Variants in WWOX observed in about 807,000 individuals in gnomAD.
WWOX encodes the protein WW domain containing oxidoreductase.
Under a neutral mutation model 46.2 loss-of-function variants are expected in WWOX, and 69 were observed. That is an observed-to-expected ratio of 1.49 (90% CI 1.23 to 1.82). The LOEUF (loss-of-function observed/expected upper bound fraction) is 1.82. WWOX is among the 40% of genes most tolerant of loss of function. The pLI is 0.00. For synonymous variants in WWOX, 359 were observed against 202.6 expected (o/e 1.77, Z -6.56); for missense variants, 919 against 542.6 (o/e 1.69, Z -6.89).
At chr16:79,058,185 GTATA>G (rs1426424314) in intron 8 of WWOX, among the ~76,000 whole-genome samples, 1 of 151,674 alleles carries the variant, frequency 6.6e-6, no homozygotes, top group East Asian at 1.9e-4. Context: ...GTGTGTACCT[GTATA>G]GAGAGAGTCA....
At chr16:78,545,349 A>G (rs548502249) in intron 8 of WWOX, among the ~76,000 whole-genome samples, 1 of 152,196 alleles carries the variant, frequency 6.6e-6, no homozygotes, top group African/African-American at 2.4e-5. Flanking sequence ...CGTGGGATAT[A>G]TTGAGATGGT....
intron 4 of WWOX, among the ~76,000 whole-genome samples, chr16:78,155,047 A>G (rs1016742934): frequency 5.3e-5 from 8 of 152,190 alleles, no homozygotes; most frequent in African/African-American, 1.7e-4. Flanking sequence ...ACCTGTCACC[A>G]CGTGGGATTG....
At chr16:78,385,148 C>CACACACACACACACACACACAG (rs1364215804) in intron 5 of WWOX, among the ~76,000 whole-genome samples, 2 of 151,514 alleles carry the variant, frequency 1.3e-5, no homozygotes, top group African/African-American at 4.9e-5. Flanking sequence ...CACACACACA[C>CACACACACACACACACACACAG]ACACACACAC....
At chr16:78,744,736 C>G (rs1470745496) in intron 8 of WWOX, among the ~76,000 whole-genome samples, 3 of 152,008 alleles carry the variant, frequency 2.0e-5, no homozygotes, top group Non-Finnish European at 2.9e-5. Flanking sequence ...ATTTCTATTA[C>G]CAGCCTGCAC....
intron 5 of WWOX, chr16:78,278,694 A>T (rs2079624314): frequency 6.4e-7 from 1 of 1,561,346 alleles, no homozygotes; most frequent in Admixed American, 1.7e-5. Context: ...GAATAGTCTC[A>T]TCAATTACAT....
At chr16:78,441,771 A>G (rs1021943112) in intron 8 of WWOX, among the ~76,000 whole-genome samples, 1 of 152,136 alleles carries the variant, frequency 6.6e-6, no homozygotes, top group Non-Finnish European at 1.5e-5. Flanking sequence ...TAAGGCCTCT[A>G]CAGTGTGCTA....
At chr16:78,975,206 C>G (rs553067329) in intron 8 of WWOX, among the ~76,000 whole-genome samples, 1 of 152,166 alleles carries the variant, frequency 6.6e-6, no homozygotes, top group Non-Finnish European at 1.5e-5. Context: ...ACGAATTAGC[C>G]TCATCTGGTT....
chr16:78,393,045 G>C (rs769373162), intron 6 of WWOX, among the ~76,000 whole-genome samples: 5 of 152,110 alleles, frequency 3.3e-5, no homozygotes, highest in Non-Finnish European at 7.4e-5. Context: ...AAAGCCTGTG[G>C]TAAGTTCCAC....
chr16:78,130,666 A>G (rs766901314), intron 4 of WWOX, among the ~76,000 whole-genome samples: 9 of 152,206 alleles, frequency 5.9e-5, no homozygotes, highest in South Asian at 2.1e-4. Flanking sequence ...AGAGTCTGCA[A>G]TGAAAACTGT....
chr16:78,499,780 C>G, intron 8 of WWOX, among the ~76,000 whole-genome samples: 1 of 152,330 alleles, frequency 6.6e-6, no homozygotes, highest in East Asian at 1.9e-4. Flanking sequence ...CCGTGGAACG[C>G]ATTTGTAAGA....
At chr16:78,403,044 C>T (rs963473649) in intron 6 of WWOX, among the ~76,000 whole-genome samples, 5 of 152,178 alleles carry the variant, frequency 3.3e-5, no homozygotes, top group African/African-American at 7.2e-5. Flanking sequence ...TGGCAGCACA[C>T]GGCTGTCAGG....
chr16:78,674,143 G>T (rs895999377), intron 8 of WWOX, among the ~76,000 whole-genome samples: 9 of 152,062 alleles, frequency 5.9e-5, no homozygotes, highest in Admixed American at 5.9e-4. Context: ...AAATCCAACA[G>T]CTCTCTTTCC....
rs1199858579 is a variant in WWOX at position 78,348,546 on chromosome 16, C to T, written c.517-38314C>T. Among the ~76,000 whole-genome samples the T allele has an allele frequency of 3.3e-5, 4 of 120,900 alleles. 1 individual carries two copies. The highest frequency in any genetic ancestry group is 1.1e-4 in the African/African-American group (4 of 35,640). 79.3% of individuals were successfully genotyped at this position (120,900 alleles called of 152,430 possible). A position where few individuals can be genotyped will look rare whatever the true frequency, so the allele number is the denominator to read the frequency against. On this transcript the variant is annotated intron_variant, in intron 5 of 8. Coordinates refer to ENST00000566780, the MANE Select transcript of WWOX (RefSeq NM_016373.4). ...AATCTTGGCTCACTGTAGCTTTTGC[C>T]TCTTGAGCTCAGGCAATCCTCCTGC...
At chr16:78,990,194 A>AAG (rs2046858950) in intron 8 of WWOX, among the ~76,000 whole-genome samples, 1 of 150,698 alleles carries the variant, frequency 6.6e-6, no homozygotes, top group East Asian at 2.0e-4. Flanking sequence ...ACCAAAAAAA[A>AAG]AAAAAAAAGA....
intron 6 of WWOX, among the ~76,000 whole-genome samples, chr16:78,411,124 ATTCTG>A: frequency 2.6e-5 from 4 of 152,260 alleles, no homozygotes; most frequent in Admixed American, 2.6e-4. Context: ...TTTTTTCTAT[ATTCTG>A]TTAGTTAGAA....
At chr16:78,424,538 G>T (rs895429208) in intron 6 of WWOX, among the ~76,000 whole-genome samples, 3 of 152,212 alleles carry the variant, frequency 2.0e-5, no homozygotes, top group African/African-American at 7.2e-5. Context: ...TAATCAGGTG[G>T]TTGAACCTGA....
intron 8 of WWOX, chr16:78,825,895 C>G (rs551217986): frequency 2.9e-6 from 2 of 694,090 alleles, no homozygotes; most frequent in Non-Finnish European, 5.2e-6. Context: ...TGCCTGACCA[C>G]GTGAGCATCA....
chr16:78,556,760 G>T (rs184904212), intron 8 of WWOX, among the ~76,000 whole-genome samples: 1 of 152,006 alleles, frequency 6.6e-6, no homozygotes, highest in Admixed American at 6.5e-5. Context: ...TTTTTGCCCA[G>T]CCTGGAGTGA....
intron 8 of WWOX, among the ~76,000 whole-genome samples, chr16:78,703,860 T>C (rs1316118069): frequency 6.6e-6 from 1 of 152,172 alleles, no homozygotes; most frequent in Non-Finnish European, 1.5e-5. Context: ...AACATTTTTC[T>C]GAACTATGAC....
Sources: gnomAD v4.1 joint callset for allele counts (sites outside exome capture counted in the v4.1 genomes callset) on GRCh38, gnomAD v4.1.1 for gene constraint, MANE v1.5 for transcripts, NCBI Gene and HGNC (gene_info 2026-07-23, HGNC 2026-07-21) for gene names.